SUPT3H: variants seen among roughly 807,000 people sequenced by gnomAD.
SUPT3H encodes SPT3 homolog, SAGA and STAGA complex component, also known as transcription initiation protein SPT3 homolog.
Under a neutral mutation model 44.3 loss-of-function variants are expected in SUPT3H, and 44 were observed. The ratio of observed to expected loss-of-function variants is 0.99; its 90% CI spans 0.78 to 1.28. SUPT3H has a LOEUF of 1.28. SUPT3H is among the 50% of genes most tolerant of loss of function. The probability of loss-of-function intolerance (pLI) is 0.00; values close to 1 mark genes in which losing one functional copy is unlikely to be tolerated. For synonymous variants in SUPT3H, 124 were observed against 125.6 expected (o/e 0.99, Z 0.09); for missense variants, 380 against 387.1 (o/e 0.98, Z 0.15).
At chr6:45,213,348 T>C (rs1255043539) in intron 2 of SUPT3H, among the ~76,000 whole-genome samples, 1 of 152,164 alleles carries the variant, frequency 6.6e-6, no homozygotes, top group Non-Finnish European at 1.5e-5. Context: ...TAACAAGCCA[T>C]GTAAATTTAA....
chr6:45,142,314 C>A (rs1430496053), intron 2 of SUPT3H, among the ~76,000 whole-genome samples: 1 of 152,116 alleles, frequency 6.6e-6, no homozygotes, highest in African/African-American at 2.4e-5. Flanking sequence ...ATGAATCTCA[C>A]AGAGCCTATA....
Position 45,293,369 on chromosome 6 carries a change from C to T in SUPT3H, c.101+71832G>A, listed in dbSNP as rs143839069. On this transcript the variant is annotated intron_variant, in intron 2 of 10. Coordinates refer to ENST00000371459, the MANE Select transcript of SUPT3H (RefSeq NM_003599.4). ...AGAGGAAAGCTCATAGCCCTAAACA[C>T]CAACATCAAAAAGTCTGAAAGAGCA... Among the ~76,000 whole-genome samples, 16 of 152,230 alleles carry T rather than the reference C, an allele frequency of 1.1e-4. 1 individual carries two copies. In the East Asian group the frequency reaches 2.9e-3, roughly 28 times the overall value.
intron 10 of SUPT3H, among the ~76,000 whole-genome samples, chr6:44,884,818 T>C (rs11525038): frequency 0.34 from 52,061 of 152,052 alleles, 9,697 homozygotes; most frequent in Admixed American, 0.42. Context: ...GAGGCATTGC[T>C]TCACTTGGGA....
chr6:45,276,849 G>C (rs1440836247), intron 2 of SUPT3H, among the ~76,000 whole-genome samples: 1 of 152,070 alleles, frequency 6.6e-6, no homozygotes, highest in Non-Finnish European at 1.5e-5. Flanking sequence ...CAGAGACTTT[G>C]AACTGCTTTG....
rs1581842948 is a variant in SUPT3H, at chr6:44,826,841, T to C, written c.*2975A>G. ...ACAAAGAACAGCAATAAATGAAGGG[T>C]TCTCCCCAGATACAGGAATTATATA... is the stretch of plus-strand genomic sequence containing the variant. On this transcript the variant is annotated 3_prime_UTR_variant, in exon 11 of 11. Coordinates refer to ENST00000371459, the MANE Select transcript of SUPT3H (RefSeq NM_003599.4). Among the ~76,000 whole-genome samples the C allele has an allele frequency of 6.6e-6, 1 of 152,158 alleles. No homozygotes were observed. Among genetic ancestry groups the C allele is most frequent in the African/African-American group, 2.4e-5 (1 of 41,442 alleles).
At chr6:45,267,829 T>A (rs1202008693) in intron 2 of SUPT3H, among the ~76,000 whole-genome samples, 1 of 141,678 alleles carries the variant, frequency 7.1e-6, no homozygotes, top group African/African-American at 2.5e-5. Flanking sequence ...ATGACCTAGG[T>A]TGCCCCCTAA....
chr6:45,221,595 G>C (rs552078208), intron 2 of SUPT3H, among the ~76,000 whole-genome samples: 319 of 152,106 alleles, frequency 2.1e-3, no homozygotes, highest in African/African-American at 7.3e-3. Flanking sequence ...TAAATAAATG[G>C]AGACACAGTT....
In SUPT3H at chr6:44,827,014, A is replaced by AAGTT. The variant is rs970770458; in HGVS notation, c.*2798_*2801dup. 3.3e-5 allele frequency among the ~76,000 whole-genome samples: 5 copies of AAGTT among 152,190 alleles called. No individual in the cohort carries two copies. The East Asian group carries it at 5.8e-4, about 18-fold the overall frequency. On this transcript the variant is annotated 3_prime_UTR_variant, in exon 11 of 11. Coordinates refer to ENST00000371459, the MANE Select transcript of SUPT3H (RefSeq NM_003599.4). ...TAACCCTCTAAATGGCACGTTCAGA[A>AAGTT]AGTTATACTTCCAAATTTAGGTGAA...
intron 2 of SUPT3H, among the ~76,000 whole-genome samples, chr6:45,149,354 A>G (rs1207916674): frequency 6.6e-6 from 1 of 152,172 alleles, no homozygotes; most frequent in Admixed American, 6.6e-5. Context: ...AGGTTTAATA[A>G]TTTAGGTTAA....
At chr6:45,309,109 T>C (rs112497613) in intron 2 of SUPT3H, among the ~76,000 whole-genome samples, 3,140 of 151,154 alleles carry the variant, frequency 0.021, 112 homozygotes, top group African/African-American at 0.072. Flanking sequence ...GAAAGGATTA[T>C]GATAACACTG....
intron 2 of SUPT3H, among the ~76,000 whole-genome samples, chr6:45,356,099 T>C (rs1793113001): frequency 6.6e-6 from 1 of 152,154 alleles, no homozygotes; most frequent in Admixed American, 6.5e-5. Flanking sequence ...ACTCCTCTTC[T>C]CTAGAAAAGT....
chr6:45,271,314 G>A (rs1418518612), intron 2 of SUPT3H, among the ~76,000 whole-genome samples: 6 of 152,154 alleles, frequency 3.9e-5, no homozygotes, highest in African/African-American at 1.4e-4. Context: ...CAGTTCCAGA[G>A]GCCTAGGAGG....
intron 1 of SUPT3H, chr6:45,371,947 G>A: frequency 2.5e-6 from 2 of 788,796 alleles, no homozygotes; most frequent in Non-Finnish European, 3.1e-6. Flanking sequence ...CTACTATTTA[G>A]TGATACAAGC....
chr6:45,289,195 C>G (rs116691750), intron 2 of SUPT3H, among the ~76,000 whole-genome samples: 1 of 151,822 alleles, frequency 6.6e-6, no homozygotes, highest in Non-Finnish European at 1.5e-5. Flanking sequence ...AATTATCAAC[C>G]CTTTATGTTG....
intron 2 of SUPT3H, among the ~76,000 whole-genome samples, chr6:45,141,301 T>G (rs542932731): frequency 2.0e-4 from 23 of 114,114 alleles, no homozygotes; most frequent in Non-Finnish European, 2.4e-4. Flanking sequence ...GTTGTGCCAC[T>G]GCACTCCAGC....
chr6:45,015,164 T>G (rs139124955), intron 4 of SUPT3H, among the ~76,000 whole-genome samples: 176 of 152,266 alleles, frequency 1.2e-3, no homozygotes, highest in African/African-American at 4.0e-3. Flanking sequence ...ATCTAAGAAA[T>G]GCCTCCTCAG....
chr6:44,975,910 G>C lies in SUPT3H; in HGVS notation c.505-14082C>G, dbSNP rs149922710. Among the ~76,000 whole-genome samples the C allele has an allele frequency of 2.6e-3, 390 of 152,232 alleles. 3 individuals carry two copies. Among genetic ancestry groups the C allele is most frequent in the African/African-American group, 8.6e-3 (356 of 41,546 alleles). The stretch of plus-strand genomic sequence containing the variant: ...CTCCAGTAAGGAAACAATGCCACCA[G>C]TGTGGGAAAAATTCTCGAGGAAAAA... On this transcript the variant is annotated intron_variant, in intron 6 of 10. Coordinates refer to ENST00000371459, the MANE Select transcript of SUPT3H (RefSeq NM_003599.4).
intron 1 of SUPT3H, among the ~76,000 whole-genome samples, chr6:45,365,611 C>T (rs1794995849): frequency 6.7e-6 from 1 of 148,916 alleles, no homozygotes; most frequent in East Asian, 2.0e-4. Flanking sequence ...CATTGGTTTT[C>T]AAAATGTGCT....
chr6:45,187,574 T>C (rs893398278), intron 2 of SUPT3H, among the ~76,000 whole-genome samples: 3 of 152,204 alleles, frequency 2.0e-5, no homozygotes, highest in African/African-American at 7.2e-5. Flanking sequence ...GAACCTAAGA[T>C]GTGAGGACCT....
Sources: gnomAD v4.1 joint callset for allele counts (sites outside exome capture counted in the v4.1 genomes callset) on GRCh38, gnomAD v4.1.1 for gene constraint, MANE v1.5 for transcripts, NCBI Gene and HGNC (gene_info 2026-07-23, HGNC 2026-07-21) for gene names.